Variants in DMD observed in about 807,000 individuals in gnomAD.
The protein encoded by DMD is mutant dystrophin.
A neutral mutation model predicts 330.1 loss-of-function variants in DMD; 63 were observed. The ratio of observed to expected loss-of-function variants is 0.19; its 90% confidence interval spans 0.16 to 0.24. The LOEUF is 0.24. Ranked by LOEUF, DMD falls within the 10% of genes least tolerant of loss-of-function variation. DMD has a pLI of 1.00. For synonymous variants in DMD, 1,223 were observed against 959.8 expected (o/e 1.27, Z -5.07); for missense variants, 3,344 against 2,684.1 (o/e 1.25, Z -5.43).
In DMD at chrX:31,418,737, G is replaced by A. The variant is rs967577431; in HGVS notation, c.9084+25744C>T. On this transcript the variant is annotated intron_variant, in intron 60 of 78. Transcript: ENST00000357033. ...AACTTGATCCACAAGTGATTTCATT[G>A]AGATGTAACTCTTATTTTATCCAAA... Among the ~76,000 whole-genome samples the A allele has an allele frequency of 1.2e-4, 14 of 112,020 alleles. No homozygotes were observed. In the Admixed American group the frequency reaches 1.3e-3, roughly 11 times the overall value.
intron 4 of DMD, among the ~76,000 whole-genome samples, chrX:32,834,255 A>T (rs921971812): frequency 9.0e-6 from 1 of 111,390 alleles, no homozygotes; most frequent in Admixed American, 9.6e-5. Context: ...GTGGACTGAC[A>T]ATTTTGTGTA....
intron 8 of DMD, among the ~76,000 whole-genome samples, chrX:32,698,309 T>G (rs757034305): frequency 9.0e-6 from 1 of 111,114 alleles, no homozygotes; most frequent in African/African-American, 3.3e-5. Flanking sequence ...AAAACAGGCA[T>G]CCATAAGCAA....
chrX:32,920,063 T>G (rs1254954169), intron 2 of DMD, among the ~76,000 whole-genome samples: 2 of 111,624 alleles, frequency 1.8e-5, no homozygotes, highest in East Asian at 2.8e-4. Flanking sequence ...TTAATTTAAT[T>G]TGATACATCA....
intron 43 of DMD, among the ~76,000 whole-genome samples, chrX:32,219,863 A>C (rs781244106): frequency 8.9e-6 from 1 of 112,029 alleles, no homozygotes; most frequent in African/African-American, 3.2e-5. Context: ...TTGTTTCTCA[A>C]TCACTCATCA....
chrX:32,340,322 T>C (rs1202698969), intron 41 of DMD, among the ~76,000 whole-genome samples: 2 of 112,045 alleles, frequency 1.8e-5, no homozygotes, highest in African/African-American at 6.5e-5. Flanking sequence ...ATCTTTAATA[T>C]ATAAAACTTA....
rs752709344 is a variant in DMD at position 32,911,136 on chromosome X, C to A, written c.94-61316G>T. On this transcript the variant is annotated intron_variant, in intron 2 of 78. Coordinates refer to ENST00000357033, the MANE Select transcript of DMD (RefSeq NM_004006.3). Reference sequence around the variant, plus strand: ...TGATATAGCCTAGAATTTTCTGGAACCTCTGAATCCTTTATTGACACTGAA... The same window carrying A: ...TGATATAGCCTAGAATTTTCTGGAAACTCTGAATCCTTTATTGACACTGAA... 5.3e-5 allele frequency among the ~76,000 whole-genome samples: 6 copies of A among 112,395 alleles called. No individual in the cohort carries two copies. The East Asian group carries it at 8.4e-4, about 16-fold the overall frequency.
intron 12 of DMD, among the ~76,000 whole-genome samples, chrX:32,601,573 C>T (rs1412175711): frequency 2.7e-5 from 3 of 111,406 alleles, no homozygotes; most frequent in African/African-American, 9.8e-5. Context: ...TAATGTACTC[C>T]TACATATGGA....
intron 41 of DMD, among the ~76,000 whole-genome samples, chrX:32,312,695 A>G (rs1316043232): frequency 9.2e-6 from 1 of 108,976 alleles, no homozygotes; most frequent in Non-Finnish European, 1.9e-5. Flanking sequence ...AATAAAGAAG[A>G]AAAGAGAAAA....
chrX:31,645,175 T>G (rs2080010252), intron 54 of DMD, among the ~76,000 whole-genome samples: 1 of 112,025 alleles, frequency 8.9e-6, no homozygotes, highest in Non-Finnish European at 1.9e-5. Flanking sequence ...GCCTCTATTG[T>G]TGATTGCCAT....
At chrX:31,993,712 A>G (rs5927918) in intron 44 of DMD, among the ~76,000 whole-genome samples, 23,983 of 111,516 alleles carry the variant, frequency 0.22, 1,905 homozygotes, top group South Asian at 0.4. Flanking sequence ...ACAAAGACAA[A>G]AATGTGGGCA....
chrX:32,099,747 T>TG (rs1480864980), intron 44 of DMD, among the ~76,000 whole-genome samples: 1 of 44,504 alleles, frequency 2.2e-5, no homozygotes, highest in African/African-American at 1.0e-4. Context: ...TGTTGTGGGG[T>TG]GGGGGGAGGG....
intron 29 of DMD, among the ~76,000 whole-genome samples, chrX:32,420,314 T>C (rs1392594861): frequency 2.7e-5 from 3 of 112,234 alleles, no homozygotes; most frequent in Non-Finnish European, 3.8e-5. Flanking sequence ...TTGGTCAGCA[T>C]TGAGACCACA....
intron 53 of DMD, among the ~76,000 whole-genome samples, chrX:31,665,069 GT>G (rs762148705): frequency 2.7e-5 from 3 of 111,509 alleles, no homozygotes; most frequent in Non-Finnish European, 5.7e-5. Context: ...CTTGTTCAAG[GT>G]GACATAGCTA....
At chrX:32,257,821 T>G (rs2097305402) in intron 43 of DMD, among the ~76,000 whole-genome samples, 1 of 111,435 alleles carries the variant, frequency 9.0e-6, no homozygotes, top group Non-Finnish European at 1.9e-5. Context: ...ACAAATGGGA[T>G]CTAATGAAAC....
chrX:32,949,334 GTAGGTAGGTAGA>G (rs1405118574), intron 2 of DMD, among the ~76,000 whole-genome samples: 2 of 80,656 alleles, frequency 2.5e-5, no homozygotes, highest in Non-Finnish European at 4.7e-5. Flanking sequence ...AGATAGGTAG[GTAGGTAGGTAGA>G]TAGATAGATA....
chrX:31,160,851 G>T (rs759916447), intron 74 of DMD, among the ~76,000 whole-genome samples: 1 of 111,737 alleles, frequency 8.9e-6, no homozygotes, highest in East Asian at 2.8e-4. Context: ...AAGGCCATGA[G>T]AAACAGCCAC....
At chrX:32,816,368 A>G in intron 6 of DMD, 100 bp downstream of exon 6, 1 of 915,533 alleles carries the variant, frequency 1.1e-6, no homozygotes, top group Non-Finnish European at 1.6e-6. Flanking sequence ...AACATGTTGT[A>G]AAGTAGGACA....
chrX:31,817,864 G>A (rs756956555), intron 50 of DMD, among the ~76,000 whole-genome samples: 137 of 111,620 alleles, frequency 1.2e-3, no homozygotes, highest in Non-Finnish European at 2.3e-3. Flanking sequence ...CTTCAGTATC[G>A]TTGCTCAGTC....
intron 1 of DMD, among the ~76,000 whole-genome samples, chrX:33,132,466 T>G (rs1366974131): frequency 1.8e-5 from 2 of 112,230 alleles, no homozygotes; most frequent in Non-Finnish European, 3.8e-5. Context: ...AAAGCGTGCT[T>G]TCTTTCAAAA....
Sources: gnomAD v4.1 joint callset for allele counts (sites outside exome capture counted in the v4.1 genomes callset) on GRCh38, gnomAD v4.1.1 for gene constraint, MANE v1.5 for transcripts, NCBI Gene and HGNC (gene_info 2026-07-23, HGNC 2026-07-21) for gene names.